AFTPH: variants seen among roughly 807,000 people sequenced by gnomAD.
AFTPH encodes aftiphilin protein.
Under a neutral mutation model 72.5 loss-of-function variants are expected in AFTPH, and 7 were observed. The ratio of observed to expected loss-of-function variants is 0.10; its 90% CI spans 0.05 to 0.18. The LOEUF is 0.18. Ranked by LOEUF, AFTPH falls within the 10% of genes least tolerant of loss-of-function variation. The probability of loss-of-function intolerance (pLI) is 1.00; values close to 1 mark genes in which losing one functional copy is unlikely to be tolerated. For synonymous variants in AFTPH, 337 were observed against 370.1 expected (o/e 0.91, Z 1.03); for missense variants, 979 against 1,060.5 (o/e 0.92, Z 1.07).
At chr2:64,573,157 G>T (rs939355780) in intron 6 of AFTPH, 89 bp downstream of exon 6, 1 of 984,224 alleles carries the variant, frequency 1.0e-6, no homozygotes. Context: ...ATTTATGACT[G>T]TTTTAAAAAT....
chr2:64,528,677 G>T (rs919439042), intron 1 of AFTPH, among the ~76,000 whole-genome samples: 1 of 152,104 alleles, frequency 6.6e-6, no homozygotes, highest in East Asian at 1.9e-4. Flanking sequence ...AGAGACAGAA[G>T]TATGCCTGGA....
chr2:64,541,296 CAT>C (rs1271824310), intron 1 of AFTPH, among the ~76,000 whole-genome samples: 3 of 152,148 alleles, frequency 2.0e-5, no homozygotes, highest in South Asian at 4.2e-4. Context: ...TCTTAAATAA[CAT>C]ATTATGCAGT....
chr2:64,527,163 T>TA (rs1013409768), intron 1 of AFTPH, among the ~76,000 whole-genome samples: 2 of 152,056 alleles, frequency 1.3e-5, no homozygotes, highest in African/African-American at 2.4e-5. Flanking sequence ...TTTATATCCT[T>TA]AAAAAAAATC....
chr2:64,530,076 A>C (rs1022919562), intron 1 of AFTPH, among the ~76,000 whole-genome samples: 1 of 152,108 alleles, frequency 6.6e-6, no homozygotes, highest in Admixed American at 6.6e-5. Flanking sequence ...GAATCACTTG[A>C]ACCTGAGAGG....
chr2:64,528,623 G>A (rs990513432), intron 1 of AFTPH, among the ~76,000 whole-genome samples: 12 of 152,276 alleles, frequency 7.9e-5, no homozygotes, highest in African/African-American at 2.9e-4. Context: ...TGGAGTCAGA[G>A]AAGGCTTAAA....
At chr2:64,579,420 T>C in intron 6 of AFTPH, 66 bp from the exon 7 acceptor site, 1 of 1,338,520 alleles carries the variant, frequency 7.5e-7, no homozygotes, top group Non-Finnish European at 1.0e-6. Context: ...ATTTTTTTTT[T>C]TAAGGATTCT....
chr2:64,551,218 A>G (rs1420983426), intron 1 of AFTPH, among the ~76,000 whole-genome samples: 1 of 152,060 alleles, frequency 6.6e-6, no homozygotes, highest in Non-Finnish European at 1.5e-5. Flanking sequence ...AGTCTAAGAG[A>G]ACTTTTTTTT....
intron 2 of AFTPH, among the ~76,000 whole-genome samples, chr2:64,565,912 G>A (rs1558619156): frequency 6.6e-6 from 1 of 152,128 alleles, no homozygotes; most frequent in Admixed American, 6.5e-5. Flanking sequence ...TTGACACCTG[G>A]CAGTTATGTG....
intron 2 of AFTPH, among the ~76,000 whole-genome samples, chr2:64,564,621 T>TA (rs1671939105): frequency 7.0e-6 from 1 of 143,598 alleles, no homozygotes; most frequent in African/African-American, 2.9e-5. Flanking sequence ...CTCAAAAAAA[T>TA]AAAAAATAAA....
chr2:64,550,716 CACACACACACACACAA>C (rs1670988239), intron 1 of AFTPH, among the ~76,000 whole-genome samples: 1 of 114,182 alleles, frequency 8.8e-6, no homozygotes, highest in Non-Finnish European at 2.0e-5. Context: ...CACACACACA[CACACACACACACACAA>C]CTGGTGAAAT....
intron 8 of AFTPH, among the ~76,000 whole-genome samples, chr2:64,590,230 A>C (rs1177813097): frequency 6.6e-6 from 1 of 152,178 alleles, no homozygotes; most frequent in East Asian, 1.9e-4. Context: ...GCTTATATAA[A>C]GATTAGTATA....
At chr2:64,555,015 G>A (rs907188458) in intron 2 of AFTPH, among the ~76,000 whole-genome samples, 34 of 152,202 alleles carry the variant, frequency 2.2e-4, no homozygotes, top group African/African-American at 7.2e-4. Flanking sequence ...AAAGCGTATG[G>A]GCTTCATGGA....
chr2:64,564,632 AAAT>A (rs201755211), intron 2 of AFTPH, among the ~76,000 whole-genome samples: 2,177 of 144,534 alleles, frequency 0.015, 24 homozygotes, highest in Non-Finnish European at 0.022. Context: ...AAAAAATAAA[AAAT>A]AAAATAAATA....
At chr2:64,530,399 C>T (rs1304731222) in intron 1 of AFTPH, among the ~76,000 whole-genome samples, 1 of 152,078 alleles carries the variant, frequency 6.6e-6, no homozygotes, top group Non-Finnish European at 1.5e-5. Context: ...TCATTATCTA[C>T]ATCATATTAT....
intron 1 of AFTPH, among the ~76,000 whole-genome samples, chr2:64,540,261 A>G (rs1006932982): frequency 6.6e-6 from 1 of 152,164 alleles, no homozygotes; most frequent in African/African-American, 2.4e-5. Flanking sequence ...ATGTTTTCCA[A>G]GGGCTAATCC....
intron 1 of AFTPH, among the ~76,000 whole-genome samples, chr2:64,537,733 AAAAT>A (rs1206409235): frequency 7.9e-5 from 12 of 152,252 alleles, no homozygotes; most frequent in Admixed American, 2.6e-4. Flanking sequence ...ATGAATTTGA[AAAAT>A]AAATAGTAAT....
At chr2:64,591,889 A>G (rs1353595486) in exon 9 of AFTPH, 1 of 1,613,694 alleles carries the variant, frequency 6.2e-7, no homozygotes, top group Non-Finnish European at 8.5e-7. Context: ...TGTCAGTAGG[A>G]AACCGAAAAG....
intron 2 of AFTPH, among the ~76,000 whole-genome samples, chr2:64,563,851 C>T (rs1198448766): frequency 6.6e-6 from 1 of 152,142 alleles, no homozygotes; most frequent in African/African-American, 2.4e-5. Context: ...TGTGATCTGC[C>T]TGCCTCGGCC....
At chr2:64,567,644 C>A (rs530294334) in exon 3 of AFTPH, 2 of 1,613,632 alleles carry the variant, frequency 1.2e-6, no homozygotes, top group African/African-American at 1.3e-5. Flanking sequence ...GAGGAAGTTA[C>A]TTCCCTGAAG....
Sources: gnomAD v4.1 joint callset for allele counts (sites outside exome capture counted in the v4.1 genomes callset) on GRCh38, gnomAD v4.1.1 for gene constraint, MANE v1.5 for transcripts, NCBI Gene and HGNC (gene_info 2026-07-23, HGNC 2026-07-21) for gene names.